UTP20: variants seen among roughly 807,000 people sequenced by gnomAD.
UTP20 encodes the protein small subunit processome component 20 homolog.
Under a neutral mutation model 329.5 loss-of-function variants are expected in UTP20, and 164 were observed. That is an observed-to-expected ratio of 0.50 (90% CI 0.44 to 0.57). The LOEUF (loss-of-function observed/expected upper bound fraction) is 0.57. UTP20 is among the 20% of genes least tolerant of loss of function. The pLI, the probability that UTP20 is intolerant of heterozygous loss-of-function variation, is 0.00. For missense variants in UTP20, 3,055 were observed against 3,284.2 expected (o/e 0.93, Z 1.71); for synonymous variants, 1,151 against 1,159.3 (o/e 0.99, Z 0.14).
At chr12:101,319,216 G>C (rs566120626) in intron 22 of UTP20, among the ~76,000 whole-genome samples, 7 of 152,224 alleles carry the variant, frequency 4.6e-5, no homozygotes, top group Non-Finnish European at 8.8e-5. Context: ...CCTAGACAAG[G>C]AATAATTCCA....
Position 101,383,173 on chromosome 12 carries a change from G to A in UTP20, c.7789G>A (p.Glu2597Lys), listed in dbSNP as rs1437283349. The change falls in exon 59 of 62, where the codon GAG (glutamate) becomes AAG (lysine). Residue 2597 changes from glutamate (E) to lysine (K), a missense_variant. Transcript: ENST00000261637. ...ALEDGVACAD[E>K]KAESDGEEKE... ...AGAAGATGGTGTGGCCTGTGCAGAT[G>A]AGAAGGCGGAGTCTGACGGAGAAGA... 3 of 1,614,012 alleles carry A rather than the reference G, an allele frequency of 1.9e-6. No homozygotes were observed. Among genetic ancestry groups the A allele is most frequent in the Non-Finnish European group, 2.5e-6 (3 of 1,180,000 alleles).
In UTP20 at chr12:101,329,344, A is replaced by G; in HGVS notation, c.3312A>G (p.Val1104=). ...QHGILNSLEI[V]LKNISHLISA... is the part of the protein sequence containing the mutation. ...GTATCTTAAACAGCCTTGAGATAGT[A>G]TTGAAAAACATTAGTCATCTGATCA... The change falls in exon 27 of 62, where the codon GTA becomes GTG. Residue 1104 remains valine, a synonymous_variant. Coordinates refer to ENST00000261637, the MANE Select transcript of UTP20 (RefSeq NM_014503.3). 1.2e-6 allele frequency: 2 copies of G among 1,614,174 alleles called. No individual in the cohort carries two copies. Among genetic ancestry groups the G allele is most frequent in the South Asian group, 1.1e-5 (1 of 91,080 alleles).
At chr12:101,376,607 A>C (rs1870481485) in intron 56 of UTP20, among the ~76,000 whole-genome samples, 1 of 152,062 alleles carries the variant, frequency 6.6e-6, no homozygotes, top group Admixed American at 6.6e-5. Flanking sequence ...TTTAATGAGT[A>C]GTGCCAAACT....
rs750833254 is a variant in UTP20, at chr12:101,373,783, A to C, written c.7131+16A>C. ...AGCAAAAAAGGTGTGCGTTGCTTTT[A>C]GTCACAGTTCAGTGACAAGTCTTAG... On this transcript the variant is annotated intron_variant, in intron 54 of 61. Transcript: ENST00000261637. The C allele has an allele frequency of 6.2e-6, 10 of 1,607,368 alleles. No individual in the cohort carries two copies. Among genetic ancestry groups the C allele is most frequent in the Non-Finnish European group, 5.1e-6 (6 of 1,178,532 alleles).
At chr12:101,376,772 C>T (rs569032699) in intron 56 of UTP20, among the ~76,000 whole-genome samples, 1 of 152,200 alleles carries the variant, frequency 6.6e-6, no homozygotes, top group Non-Finnish European at 1.5e-5. Flanking sequence ...GCCTCAGCCT[C>T]CCAAGTAGCT....
Position 101,354,943 on chromosome 12 carries a change from G to C in UTP20, c.5219G>C (p.Gly1740Ala), listed in dbSNP as rs2120978361. 1 of 1,614,116 alleles carries C rather than the reference G, an allele frequency of 6.2e-7. No individual in the cohort carries two copies. The highest frequency in any genetic ancestry group is 1.1e-5 in the South Asian group (1 of 91,074). The part of the protein sequence containing the change: ...CKSLSDNGQP[G>A]TPDPADSGGT... ...AGTTTGTCAGACAACGGACAACCGG[G>C]AACCCCTGATCCAGCTGACTCTGGA... The change falls in exon 41 of 62, where the codon GGA becomes GCA. Residue 1740 changes from glycine to alanine, a missense_variant. By Grantham distance (60) the Gly-to-Ala change is moderately conservative. Around this residue, in one of 3 missense-constraint regions of UTP20, gnomAD observed 2,445 missense variants for 2,575.5 expected, o/e 0.95. Transcript: ENST00000261637.
intron 32 of UTP20, among the ~76,000 whole-genome samples, chr12:101,342,226 T>C (rs1869163513): frequency 6.6e-6 from 1 of 152,182 alleles, no homozygotes; most frequent in African/African-American, 2.4e-5. Context: ...ACTACATATA[T>C]TGCTTATTAG....
At chr12:101,368,294 G>A (rs61944237) in intron 48 of UTP20, among the ~76,000 whole-genome samples, 1 of 151,802 alleles carries the variant, frequency 6.6e-6, no homozygotes, top group Non-Finnish European at 1.5e-5. Context: ...CACCACGCCC[G>A]GCTAACTTTT....
At chr12:101,343,832 G>C (rs1343886715) in intron 35 of UTP20, among the ~76,000 whole-genome samples, 1 of 152,094 alleles carries the variant, frequency 6.6e-6, no homozygotes, top group African/African-American at 2.4e-5. Context: ...TTTTTTAAAA[G>C]GGTGAATTTT....
At chr12:101,339,607 T>G (rs1205605074) in intron 31 of UTP20, among the ~76,000 whole-genome samples, 1 of 152,202 alleles carries the variant, frequency 6.6e-6, no homozygotes, top group Admixed American at 6.5e-5. Flanking sequence ...AGTTTTTTAC[T>G]CTTTAGTGTA....
At position 101,345,668 on chromosome 12, in the gene UTP20, T is replaced by C. The variant is rs1262992004; in HGVS notation, c.4720T>C (p.Phe1574Leu). The C allele has an allele frequency of 6.2e-7, 1 of 1,610,012 alleles. No homozygotes were observed. The highest frequency in any genetic ancestry group is 8.5e-7 in the Non-Finnish European group (1 of 1,179,168). The stretch of plus-strand genomic sequence containing the variant: ...TCATTACCATGACCCAGAAATGGAC[T>C]TCTTTGAGAACATGAAGCACATTCA... ...LTHYHDPEMD[F>L]FENMKHIQIH... is the part of the protein sequence containing the mutation. The change falls in exon 37 of 62, where the codon TTC becomes CTC. Residue 1574 changes from phenylalanine (F) to leucine (L), a missense_variant. Physicochemically the swap from Phe to Leu is conservative, Grantham distance 22. This residue lies in a region of UTP20 where 2,445 missense variants were observed against 2,575.5 expected (regional missense o/e 0.95). Coordinates refer to ENST00000261637, the MANE Select transcript of UTP20 (RefSeq NM_014503.3).
At chr12:101,293,032 C>A in intron 10 of UTP20, 136 bp from the exon 11 acceptor site, 1 of 788,200 alleles carries the variant, frequency 1.3e-6, no homozygotes. Context: ...TGTGGAAGCA[C>A]CTTTGGAGAA....
At chr12:101,323,566 T>A in intron 25 of UTP20, among the ~76,000 whole-genome samples, 1 of 152,210 alleles carries the variant, frequency 6.6e-6, no homozygotes, top group Non-Finnish European at 1.5e-5. Context: ...ACTTCACATA[T>A]TTTAGGTTTA....
intron 29 of UTP20, among the ~76,000 whole-genome samples, chr12:101,335,175 G>T (rs1258670114): frequency 6.6e-6 from 1 of 151,970 alleles, no homozygotes; most frequent in Non-Finnish European, 1.5e-5. Flanking sequence ...TACATCCTTT[G>T]GACTGTTTGA....
chr12:101,313,733 A>G (rs962622222), intron 21 of UTP20, among the ~76,000 whole-genome samples: 1 of 151,230 alleles, frequency 6.6e-6, no homozygotes, highest in Admixed American at 6.7e-5. Context: ...GGGGAGTGGG[A>G]CAGGAAGGAG....
At chr12:101,342,139 G>A (rs551439352) in intron 32 of UTP20, among the ~76,000 whole-genome samples, 6 of 152,130 alleles carry the variant, frequency 3.9e-5, no homozygotes, top group African/African-American at 1.2e-4. Flanking sequence ...CTTGGATACC[G>A]AGGGACGACT....
intron 12 of UTP20, among the ~76,000 whole-genome samples, chr12:101,297,454 A>C (rs1030926514): frequency 1.3e-5 from 2 of 152,102 alleles, no homozygotes; most frequent in African/African-American, 4.8e-5. Context: ...GACTCAAGTG[A>C]TCTTCCTACC....
chr12:101,342,280 A>G (rs1869165364), intron 32 of UTP20, among the ~76,000 whole-genome samples, 166 bp from the exon 33 acceptor site: 1 of 152,250 alleles, frequency 6.6e-6, no homozygotes, highest in African/African-American at 2.4e-5. Context: ...TGGGTTTTAC[A>G]TTAAATTAAA....
At chr12:101,367,125 AT>A (rs1035729921) in intron 47 of UTP20, among the ~76,000 whole-genome samples, 1 of 151,700 alleles carries the variant, frequency 6.6e-6, no homozygotes. Context: ...ACAAAAAAAA[AT>A]TTTTTTTAAT....
Sources: allele counts gnomAD v4.1 joint callset (sites outside exome capture counted in the v4.1 genomes callset), GRCh38; gene constraint gnomAD v4.1.1; regional missense constraint gnomAD v4.1.1; transcripts MANE v1.5; gene names NCBI Gene and HGNC (gene_info 2026-07-23, HGNC 2026-07-21).